TAFA5: variants seen among roughly 807,000 people sequenced by gnomAD.
TAFA5 encodes the protein chemokine-like protein TAFA-5.
Under a neutral mutation model 15.3 loss-of-function variants are expected in TAFA5, and 6 were observed. The ratio of observed to expected loss-of-function variants is 0.39; its 90% CI spans 0.21 to 0.77. The LOEUF is 0.77. Ranked by LOEUF, TAFA5 falls within the 30% of genes least tolerant of loss-of-function variation. TAFA5 has a pLI of 0.41. For missense variants in TAFA5, 161 were observed against 193.1 expected, an observed-to-expected ratio of 0.83 and a Z score of 0.98; for synonymous variants, 103 against 80.7, an observed-to-expected ratio of 1.28 and a Z score of -1.48.
intron 1 of TAFA5, among the ~76,000 whole-genome samples, chr22:48,575,917 C>G (rs1417439752): frequency 1.4e-5 from 2 of 140,966 alleles, no homozygotes; most frequent in East Asian, 2.2e-4. Flanking sequence ...AGCCCCGGGC[C>G]GGAGCGAGCG....
intron 1 of TAFA5, among the ~76,000 whole-genome samples, chr22:48,614,813 G>A (rs1003988348): frequency 5.0e-4 from 76 of 152,316 alleles, no homozygotes; most frequent in Non-Finnish European, 1.0e-4. Context: ...TGTAGTGTGT[G>A]AGACAGATGT....
chr22:48,646,314 A>G (rs1270551894), intron 1 of TAFA5, among the ~76,000 whole-genome samples: 2 of 152,136 alleles, frequency 1.3e-5, no homozygotes, highest in African/African-American at 4.8e-5. Context: ...CGTGATAAAG[A>G]TGGGGCTGTG....
intron 1 of TAFA5, among the ~76,000 whole-genome samples, chr22:48,582,083 C>T (rs770530795): frequency 6.6e-6 from 1 of 152,074 alleles, no homozygotes; most frequent in East Asian, 1.9e-4. Context: ...GGAGCCCTGA[C>T]CTGCCTGTCG....
intron 2 of TAFA5, among the ~76,000 whole-genome samples, chr22:48,651,960 G>C (rs1246956158): frequency 6.6e-6 from 1 of 152,186 alleles, no homozygotes; most frequent in East Asian, 1.9e-4. Flanking sequence ...CAGGAGCCAG[G>C]GTAGGAGGGA....
At chr22:48,681,105 T>G (rs1162246672) in intron 2 of TAFA5, among the ~76,000 whole-genome samples, 1 of 152,250 alleles carries the variant, frequency 6.6e-6, no homozygotes, top group Non-Finnish European at 1.5e-5. Context: ...GAAGACATCG[T>G]GGTGCAGCAT....
intron 2 of TAFA5, among the ~76,000 whole-genome samples, chr22:48,655,243 G>A (rs1408206118): frequency 6.6e-6 from 1 of 152,204 alleles, no homozygotes; most frequent in Non-Finnish European, 1.5e-5. Context: ...ATGCAGAGTG[G>A]ACAGCAGCCC....
chr22:48,722,401 T>C (rs961431588), intron 3 of TAFA5, among the ~76,000 whole-genome samples: 2 of 152,208 alleles, frequency 1.3e-5, no homozygotes, highest in African/African-American at 4.8e-5. Context: ...TTAATGTCCT[T>C]TGCAGGGACA....
At chr22:48,637,816 C>G (rs570249293) in intron 1 of TAFA5, among the ~76,000 whole-genome samples, 1 of 152,056 alleles carries the variant, frequency 6.6e-6, no homozygotes, top group Admixed American at 6.5e-5. Flanking sequence ...CGAGCACAGC[C>G]GAGCCATTTC....
chr22:48,593,671 G>A (rs112282254), intron 1 of TAFA5, among the ~76,000 whole-genome samples: 16 of 152,268 alleles, frequency 1.1e-4, no homozygotes, highest in African/African-American at 2.9e-4. Context: ...CTCACCGCGC[G>A]CTCGGGTGCA....
intron 1 of TAFA5, among the ~76,000 whole-genome samples, chr22:48,567,444 G>A (rs1383569619): frequency 2.0e-5 from 3 of 152,240 alleles, no homozygotes; most frequent in Admixed American, 6.5e-5. Context: ...GAAAGTGTGA[G>A]TTAATGTGTG....
rs539452097 is a variant in TAFA5 at position 48,550,957 on chromosome 22, C to G, written c.112+61253C>G. 3.3e-5 allele frequency among the ~76,000 whole-genome samples: 5 copies of G among 151,940 alleles called. No homozygotes were observed. In the East Asian group the frequency reaches 5.9e-4, roughly 18 times the overall value. On this transcript the variant is annotated intron_variant, in intron 1 of 3. Coordinates refer to ENST00000402357, the MANE Select transcript of TAFA5 (RefSeq NM_001082967.3). The surrounding 1 kb of genome is among the most constrained non-coding windows in gnomAD (Gnocchi z 4.1). ...GGCTGCTGTGGTGTCCCCTCCCCAC[C>G]AGGGCTGCTCTGAGGGCCCTGGTCC...
intron 3 of TAFA5, among the ~76,000 whole-genome samples, chr22:48,718,583 A>ACCAGAGCATCTCTGGTACTCC (rs1380617500): frequency 1.3e-5 from 2 of 152,104 alleles, no homozygotes; most frequent in East Asian, 3.9e-4. Context: ...TCCCCAGAGT[A>ACCAGAGCATCTCTGGTACTCC]CCAGAGCATC....
intron 3 of TAFA5, among the ~76,000 whole-genome samples, chr22:48,743,789 G>A (rs1006039556): frequency 3.9e-5 from 6 of 152,206 alleles, no homozygotes; most frequent in African/African-American, 7.2e-5. Flanking sequence ...CGTCTTTGCC[G>A]CCCTCCTGAG....
rs1195483056 is a variant in TAFA5, at chr22:48,749,836, C to T, written c.391-3C>T. On this transcript the variant is annotated splice_region_variant and splice_polypyrimidine_tract_variant and intron_variant, in intron 3 of 3. Transcript: ENST00000402357. The stretch of plus-strand genomic sequence containing the variant: ...TCACCCTCTCTCTCTCTTTGCTCCT[C>T]AGGTCTCCTGACAAACACAGCCCCT... The T allele has an allele frequency of 6.4e-7, 1 of 1,561,230 alleles. No homozygotes were observed. The highest frequency in any genetic ancestry group is 8.7e-7 in the Non-Finnish European group (1 of 1,151,974).
At chr22:48,593,176 A>T (rs907208433) in intron 1 of TAFA5, among the ~76,000 whole-genome samples, 1 of 152,150 alleles carries the variant, frequency 6.6e-6, no homozygotes, top group Non-Finnish European at 1.5e-5. Context: ...TCCCAGCTTG[A>T]CGTCCTGAGG....
chr22:48,682,808 T>TTG (rs1928235973), intron 2 of TAFA5, among the ~76,000 whole-genome samples: 1 of 152,170 alleles, frequency 6.6e-6, no homozygotes, highest in Admixed American at 6.5e-5. Context: ...CGGTTTTTTT[T>TTG]TGTGCGTGTG....
rs192831968 is a variant in TAFA5, at chr22:48,525,242, G to A, written c.112+35538G>A. ...AGAGATTAGGAGATGAGCTTCTTTG[G>A]GGACATCCCTCGGCCCAGGGGATGC... is the stretch of plus-strand genomic sequence containing the variant. On this transcript the variant is annotated intron_variant, in intron 1 of 3. Coordinates refer to ENST00000402357, the MANE Select transcript of TAFA5 (RefSeq NM_001082967.3). Among the ~76,000 whole-genome samples the A allele has an allele frequency of 9.8e-4, 149 of 152,242 alleles. 2 individuals are homozygous for A. The highest frequency in any genetic ancestry group is 3.5e-3 in the African/African-American group (146 of 41,562).
chr22:48,559,172 G>A (rs368525500), intron 1 of TAFA5, among the ~76,000 whole-genome samples: 2 of 152,186 alleles, frequency 1.3e-5, no homozygotes, highest in African/African-American at 4.8e-5. Flanking sequence ...GAGGCCGCCC[G>A]GGGCCATGGT....
chr22:48,499,912 C>T (rs1360856619), intron 1 of TAFA5, among the ~76,000 whole-genome samples: 3 of 152,188 alleles, frequency 2.0e-5, no homozygotes, highest in Non-Finnish European at 4.4e-5. Flanking sequence ...ACTCCCAACA[C>T]ACACACACCC....
Sources: allele counts gnomAD v4.1 joint callset (sites outside exome capture counted in the v4.1 genomes callset), GRCh38; gene constraint gnomAD v4.1.1; non-coding constraint Gnocchi (gnomAD v3.1); transcripts MANE v1.5; gene names NCBI Gene and HGNC (gene_info 2026-07-23, HGNC 2026-07-21).